The following RBFOX3 variants were observed in gnomAD, a reference collection of about 807,000 sequenced individuals.
RBFOX3 encodes the protein RNA binding protein fox-1 homolog 3.
A neutral mutation model predicts 48.7 loss-of-function variants in RBFOX3; 17 were observed. The ratio of observed to expected loss-of-function variants is 0.35; its 90% CI spans 0.24 to 0.52. RBFOX3 has a LOEUF of 0.52. Ranked by LOEUF, RBFOX3 falls within the 20% of genes least tolerant of loss-of-function variation. The pLI is 0.94. For synonymous variants in RBFOX3, 212 were observed against 209.5 expected (o/e 1.01, Z -0.10); for missense variants, 382 against 497.5 (o/e 0.77, Z 2.21).
intron 2 of RBFOX3, among the ~76,000 whole-genome samples, chr17:79,405,632 A>G (rs993515957): frequency 2.9e-4 from 44 of 152,276 alleles, no homozygotes; most frequent in African/African-American, 1.0e-3. Flanking sequence ...GAGGCAGGAG[A>G]ATCGCTTGAA....
chr17:79,318,307 G>A (rs899416415), intron 2 of RBFOX3, among the ~76,000 whole-genome samples: 15 of 152,196 alleles, frequency 9.9e-5, no homozygotes, highest in South Asian at 2.1e-4. Flanking sequence ...ACTCCAGCAC[G>A]GAGGATGCTG....
At chr17:79,284,681 A>G (rs1045532582) in intron 3 of RBFOX3, among the ~76,000 whole-genome samples, 4 of 152,084 alleles carry the variant, frequency 2.6e-5, no homozygotes, top group African/African-American at 9.7e-5. Flanking sequence ...CTGGGATTAC[A>G]GGTGCTCATC....
intron 2 of RBFOX3, among the ~76,000 whole-genome samples, chr17:79,429,093 T>C (rs1039660923): frequency 2.6e-5 from 4 of 152,076 alleles, no homozygotes; most frequent in Non-Finnish European, 5.9e-5. Flanking sequence ...CAACAACACC[T>C]CTGCCAAAGC....
chr17:79,518,377 C>T (rs988343829), intron 1 of RBFOX3, among the ~76,000 whole-genome samples: 50 of 152,320 alleles, frequency 3.3e-4, no homozygotes, highest in African/African-American at 9.9e-4. Context: ...TTGGGAGAAG[C>T]GGGCAGGCGG....
intron 4 of RBFOX3, among the ~76,000 whole-genome samples, chr17:79,231,600 T>C (rs1003599327): frequency 3.3e-5 from 5 of 152,182 alleles, no homozygotes; most frequent in Non-Finnish European, 7.3e-5. Flanking sequence ...TTAGCAAGGC[T>C]GCAGGACACA....
At chr17:79,512,337 A>G in intron 1 of RBFOX3, among the ~76,000 whole-genome samples, 1 of 129,776 alleles carries the variant, frequency 7.7e-6, no homozygotes, top group Non-Finnish European at 1.6e-5. Flanking sequence ...ACGTGTTACC[A>G]TCGGATACAG....
At chr17:79,247,962 G>A (rs949644946) in intron 3 of RBFOX3, among the ~76,000 whole-genome samples, 7 of 152,022 alleles carry the variant, frequency 4.6e-5, no homozygotes, top group African/African-American at 1.7e-4. Context: ...CCCACAATGG[G>A]AGGAAACAGA....
intron 1 of RBFOX3, among the ~76,000 whole-genome samples, chr17:79,540,564 C>T (rs2089534558): frequency 6.6e-6 from 1 of 152,228 alleles, no homozygotes; most frequent in South Asian, 2.1e-4. Flanking sequence ...CTGTTCTCTC[C>T]TCCCACGCAA....
intron 4 of RBFOX3, among the ~76,000 whole-genome samples, chr17:79,188,377 A>G (rs2053835776): frequency 6.6e-6 from 1 of 152,250 alleles, no homozygotes; most frequent in African/African-American, 2.4e-5. Context: ...CTGCAGCAAA[A>G]GTAAAAATCG....
Position 79,421,337 on chromosome 17 carries a change from A to G in RBFOX3, c.-175+61117T>C, listed in dbSNP as rs913050281. ...CCTGAGAGTGGTTCTGGAAGCCTCT[A>G]CGCTTGAGGCTGGTGTCAGAAGTGG... is the stretch of plus-strand genomic sequence containing the variant. On this transcript the variant is annotated intron_variant, in intron 2 of 14. Coordinates refer to ENST00000693108, the MANE Select transcript of RBFOX3 (RefSeq NM_001350451.2). This position sits in a 1 kb window ranked among gnomAD's most constrained non-coding sequence, Gnocchi z 4.5. 2.0e-5 allele frequency among the ~76,000 whole-genome samples: 3 copies of G among 152,130 alleles called. No homozygotes were observed. Among genetic ancestry groups the G allele is most frequent in the Non-Finnish European group, 4.4e-5 (3 of 68,010 alleles).
chr17:79,402,156 C>G (rs1255862226), intron 2 of RBFOX3, among the ~76,000 whole-genome samples: 1 of 152,142 alleles, frequency 6.6e-6, no homozygotes, highest in Non-Finnish European at 1.5e-5. Flanking sequence ...AAAGGGGTCT[C>G]TGGAGAGAGA....
chr17:79,656,844 AAAG>A, the RBFOX3 span, among the ~76,000 whole-genome samples: 8 of 122,392 alleles, frequency 6.5e-5, no homozygotes, highest in East Asian at 2.2e-4. Flanking sequence ...GAAAGAAAGA[AAAG>A]AAAAGAAGGG....
chr17:79,609,576 G>C (rs1248041942), intron 1 of RBFOX3, among the ~76,000 whole-genome samples: 1 of 152,188 alleles, frequency 6.6e-6, no homozygotes, highest in Non-Finnish European at 1.5e-5. Context: ...GAAAGGGGAG[G>C]GGGAGGCAGC....
chr17:79,306,806 C>A (rs1294132415), intron 3 of RBFOX3, among the ~76,000 whole-genome samples: 8 of 152,238 alleles, frequency 5.3e-5, no homozygotes, highest in African/African-American at 1.9e-4. Flanking sequence ...CCACGGGCAC[C>A]TGGGAGAGCT....
intron 1 of RBFOX3, among the ~76,000 whole-genome samples, chr17:79,554,507 G>A (rs1056252808): frequency 1.1e-3 from 166 of 151,884 alleles, no homozygotes; most frequent in Non-Finnish European, 1.7e-3. Flanking sequence ...CCCCGACCTG[G>A]CCCTGCTGGC....
At chr17:79,412,983 GCTCT>G (rs1568205335) in intron 2 of RBFOX3, among the ~76,000 whole-genome samples, 1 of 152,082 alleles carries the variant, frequency 6.6e-6, no homozygotes, top group Non-Finnish European at 1.5e-5. Flanking sequence ...CCTCCCTTCT[GCTCT>G]CTGACAGCCA....
At chr17:79,657,745 C>T in the RBFOX3 span, among the ~76,000 whole-genome samples, 2 of 15,654 alleles carry the variant, frequency 1.3e-4, no homozygotes, top group Non-Finnish European at 5.3e-3. Context: ...TGCAGTGGGT[C>T]ACCACAAAAA....
intron 1 of RBFOX3, among the ~76,000 whole-genome samples, chr17:79,496,678 C>T (rs2081584787): frequency 6.6e-6 from 1 of 152,126 alleles, no homozygotes; most frequent in South Asian, 2.1e-4. Context: ...CAACAGCATA[C>T]AGAATTTCCT....
chr17:79,190,165 A>C (rs2054177843), intron 4 of RBFOX3, among the ~76,000 whole-genome samples: 1 of 152,232 alleles, frequency 6.6e-6, no homozygotes, highest in South Asian at 2.1e-4. Context: ...TAATCCCAGC[A>C]CTTTGGGAGG....
Sources: allele counts gnomAD v4.1 joint callset (sites outside exome capture counted in the v4.1 genomes callset), GRCh38; gene constraint gnomAD v4.1.1; non-coding constraint Gnocchi (gnomAD v3.1); transcripts MANE v1.5; gene names NCBI Gene and HGNC (gene_info 2026-07-23, HGNC 2026-07-21).